The following USP9X variants were observed in gnomAD, a reference collection of about 807,000 sequenced individuals.
The protein encoded by USP9X is ubiquitin specific peptidase 9 X-linked.
In USP9X, 7 loss-of-function variants were observed where a neutral mutation model predicts 190.3. That is an observed-to-expected ratio of 0.04 (90% confidence interval 0.02 to 0.07). USP9X has a LOEUF of 0.07. Among genes scored for constraint, USP9X ranks in the 10% least tolerant of loss-of-function variants. The pLI, the probability that USP9X is intolerant of heterozygous loss-of-function variation, is 1.00. For missense variants in USP9X, 1,010 were observed against 1,916.9 expected (o/e 0.53, Z 8.83); for synonymous variants, 645 against 659.5 (o/e 0.98, Z 0.34).
At chrX:41,093,295 T>C (rs1206723490) in intron 1 of USP9X, among the ~76,000 whole-genome samples, 1 of 112,639 alleles carries the variant, frequency 8.9e-6, no homozygotes. Context: ...GAGAATAGTT[T>C]GGTTTCAGCA....
At chrX:41,170,352 T>C (rs369736812) in intron 19 of USP9X, 117 bp downstream of exon 19, 17 of 1,073,594 alleles carry the variant, frequency 1.6e-5, no homozygotes, top group Middle Eastern at 2.7e-4. Context: ...GTTAGAGTTA[T>C]AGCATTAAAG....
intron 5 of USP9X, among the ~76,000 whole-genome samples, chrX:41,136,200 C>G (rs776262816): frequency 8.9e-6 from 1 of 111,908 alleles, no homozygotes; most frequent in Admixed American, 9.4e-5. Context: ...TGCTCTGTTG[C>G]CCAGGCTGGA....
intron 1 of USP9X, among the ~76,000 whole-genome samples, chrX:41,089,938 G>A (rs1448046905): frequency 4.0e-5 from 2 of 49,445 alleles, no homozygotes; most frequent in African/African-American, 1.7e-4. Context: ...TTTTGAGACA[G>A]ATTCTCACTC....
chrX:41,131,239 G>C (rs748928468), intron 3 of USP9X, among the ~76,000 whole-genome samples: 3 of 111,430 alleles, frequency 2.7e-5, no homozygotes. Context: ...TCTTATTGCT[G>C]TATCTTTTGA....
At chrX:41,125,899 G>C in intron 2 of USP9X, among the ~76,000 whole-genome samples, 1 of 110,962 alleles carries the variant, frequency 9.0e-6, no homozygotes. Flanking sequence ...TAAAACTTAC[G>C]ATGTACAGCT....
intron 21 of USP9X, 93 bp downstream of exon 21, chrX:41,172,051 T>C (rs1324139453): frequency 4.7e-5 from 49 of 1,047,837 alleles, no homozygotes; most frequent in Non-Finnish European, 6.0e-5. Flanking sequence ...CTTTTTGGTA[T>C]AGACTATAAC....
In USP9X at chrX:41,235,885, AT is replaced by A. The variant is rs1368802407; in HGVS notation, c.*3364del. ...AGATGAGGAGACTTTTTTGACTTAC[AT>A]TTGTAAATGAAAACAAGTCTGTGAA... On this transcript the variant is annotated 3_prime_UTR_variant, in exon 45 of 45. Transcript: ENST00000378308. 2 of 111,992 alleles carry A rather than the reference AT, an allele frequency of 1.8e-5. No individual in the cohort carries two copies. The highest frequency in any genetic ancestry group is 5.6e-4 in the East Asian group (2 of 3,601). The allele number at this position is 111,992 out of a possible 1,213,427, so 9.2% of individuals were successfully genotyped here.
chrX:41,187,859 C>G, intron 24 of USP9X, 133 bp from the exon 25 acceptor site: 1 of 531,336 alleles, frequency 1.9e-6, no homozygotes, highest in Non-Finnish European at 2.7e-6. Flanking sequence ...AAGACAAAGG[C>G]AACTTGGGAA....
Position 41,210,697 on chromosome X carries a change from C to G in USP9X, c.5189+15C>G. On this transcript the variant is annotated intron_variant, in intron 33 of 44. Transcript: ENST00000378308. ...TGCCCACATAGGTAAGTACTAATTA[C>G]ACATTGAAAGTATATGTTGTACCAT... 1 of 1,205,046 alleles carries G rather than the reference C, an allele frequency of 8.3e-7. No individual in the cohort carries two copies. The highest frequency in any genetic ancestry group is 1.1e-6 in the Non-Finnish European group (1 of 892,573).
In USP9X at chrX:41,170,564, G is replaced by T. The variant is rs374556753; in HGVS notation, c.2972G>T (p.Gly991Val). ...TCCACTGGATCTCCTGGAAACCATGGTAATCATTACAGTGATGGTCCCAAT... is the reference window on the plus strand; with the variant it reads ...TCCACTGGATCTCCTGGAAACCATGTTAATCATTACAGTGATGGTCCCAAT... ...DSSTGSPGNH[G>V]NHYSDGPNPE... Residue 991 changes from glycine (G) to valine (V), a missense_variant, in exon 20 of 45, where the codon GGT becomes GTT. By Grantham distance (109) the Gly-to-Val change is moderately radical. Transcript: ENST00000378308. 1 of 1,211,519 alleles carries T rather than the reference G, an allele frequency of 8.3e-7. No homozygotes were observed. The highest frequency in any genetic ancestry group is 1.1e-6 in the Non-Finnish European group (1 of 895,373).
In USP9X at chrX:41,198,526, A is replaced by T. The variant is rs1398101268; in HGVS notation, c.4381-2A>T. ...TATGTAATCCCTTTTTCAACTTTTT[A>T]GGAATTAATTGATGATTTCATATTT... On this transcript the variant is annotated splice_acceptor_variant, in intron 29 of 44. Coordinates refer to ENST00000378308, the MANE Select transcript of USP9X (RefSeq NM_001039591.3). LOFTEE classifies it high-confidence loss of function. 1 of 1,190,734 alleles carries T rather than the reference A, an allele frequency of 8.4e-7. No homozygotes were observed. Among genetic ancestry groups the T allele is most frequent in the African/African-American group, 1.8e-5 (1 of 57,072 alleles).
Position 41,134,788 on chromosome X carries a change from C to G in USP9X, c.386C>G (p.Thr129Ser). 1 of 1,210,879 alleles carries G rather than the reference C, an allele frequency of 8.3e-7. No homozygotes were observed. ...CGTGATGGGCTAACAATATCATTCA[C>G]TAAAATTCTTACAGATGAAGCAGTG... ...FFRDGLTISF[T>S]KILTDEAVSG... is the part of the protein sequence containing the mutation. Residue 129 changes from threonine (T) to serine (S), a missense_variant, in exon 5 of 45, where the codon ACT becomes AGT. Coordinates refer to ENST00000378308, the MANE Select transcript of USP9X (RefSeq NM_001039591.3).
Position 41,151,070 on chromosome X carries a change from A to G in USP9X, c.1763+13A>G, listed in dbSNP as rs368766313. 23 of 1,181,243 alleles carry G rather than the reference A, an allele frequency of 1.9e-5. No homozygotes were observed. The African/African-American group carries it at 3.2e-4, about 16-fold the overall frequency. On this transcript the variant is annotated intron_variant, in intron 13 of 44. Coordinates refer to ENST00000378308, the MANE Select transcript of USP9X (RefSeq NM_001039591.3). ...CTCAAAATTTGAGGTAAGACTTTTTAACATAGAAAATTTCAATACTTAAAA... is the reference window on the plus strand; with the variant it reads ...CTCAAAATTTGAGGTAAGACTTTTTGACATAGAAAATTTCAATACTTAAAA...
chrX:41,223,222 G>T lies in USP9X; in HGVS notation c.6571G>T (p.Ala2191Ser), dbSNP rs763663518. The T allele has an allele frequency of 8.3e-7, 1 of 1,209,882 alleles. No individual in the cohort carries two copies. Among genetic ancestry groups the T allele is most frequent in the East Asian group, 3.0e-5 (1 of 33,775 alleles). Reference protein sequence around the residue: ...LFVMYANLGVAEKTQLLKLSV... With the variant: ...LFVMYANLGVSEKTQLLKLSV... The stretch of plus-strand genomic sequence containing the variant: ...TTCACTCCTTTTTGTTGTAGGTGTG[G>T]CAGAGAAGACACAGCTTCTGAAATT... Residue 2191 changes from alanine to serine, a missense_variant, in exon 39 of 45, where the codon GCA (alanine) becomes TCA (serine). Transcript: ENST00000378308.
At chrX:41,156,464 C>T (rs1259035886) in intron 14 of USP9X, among the ~76,000 whole-genome samples, 20 of 112,036 alleles carry the variant, frequency 1.8e-4, no homozygotes, top group Non-Finnish European at 3.8e-5. Context: ...AAAACTGAGA[C>T]TCCCTTACCC....
chrX:41,162,974 T>G lies in USP9X; in HGVS notation c.1985+97T>G. ...GCTTGGTCTTTGTTGGGTGGCCTTTTCCCAAGTCCCCAAGTCATGTAAGAC... is the reference window on the plus strand; with the variant it reads ...GCTTGGTCTTTGTTGGGTGGCCTTTGCCCAAGTCCCCAAGTCATGTAAGAC... On this transcript the variant is annotated intron_variant, in intron 15 of 44. Transcript: ENST00000378308. 3 of 539,772 alleles carry G rather than the reference T, an allele frequency of 5.6e-6. No individual in the cohort carries two copies. The East Asian group carries it at 1.2e-4, about 22-fold the overall frequency. The allele number at this position is 539,772 out of a possible 1,213,427, so 44.5% of individuals were successfully genotyped here.
At chrX:41,201,596 C>T (rs1247341195) in intron 31 of USP9X, among the ~76,000 whole-genome samples, 3 of 112,047 alleles carry the variant, frequency 2.7e-5, no homozygotes, top group Non-Finnish European at 5.6e-5. Flanking sequence ...GCATGAACTG[C>T]TACCTCTTAA....
At chrX:41,214,365 G>A (rs1270815185) in intron 33 of USP9X, among the ~76,000 whole-genome samples, 1 of 110,803 alleles carries the variant, frequency 9.0e-6, no homozygotes, top group South Asian at 3.7e-4. Flanking sequence ...TACGGGTTTC[G>A]CATTATAAAA....
At chrX:41,142,854 A>C (rs2062434791) in intron 9 of USP9X, among the ~76,000 whole-genome samples, 1 of 112,090 alleles carries the variant, frequency 8.9e-6, no homozygotes, top group Admixed American at 9.5e-5. Flanking sequence ...AAAATTAAAG[A>C]GATAATGGAT....
Sources: allele counts gnomAD v4.1 joint callset (sites outside exome capture counted in the v4.1 genomes callset), GRCh38; gene constraint gnomAD v4.1.1; transcripts MANE v1.5; gene names NCBI Gene and HGNC (gene_info 2026-07-23, HGNC 2026-07-21).